PRKAG2: variants seen among roughly 807,000 people sequenced by gnomAD.
PRKAG2 encodes the protein protein kinase AMP-activated non-catalytic subunit gamma 2, also known as 5'-AMP-activated protein kinase subunit gamma-2.
A neutral mutation model predicts 69.6 loss-of-function variants in PRKAG2; 26 were observed. That is an observed-to-expected ratio of 0.37 (90% confidence interval 0.27 to 0.52). The LOEUF (loss-of-function observed/expected upper bound fraction) is 0.52. Ranked by LOEUF, PRKAG2 falls within the 20% of genes least tolerant of loss-of-function variation. The pLI is 0.90. For synonymous variants in PRKAG2, 293 were observed against 285.0 expected, an observed-to-expected ratio of 1.03 and a Z score of -0.28; for missense variants, 557 against 740.0, an observed-to-expected ratio of 0.75 and a Z score of 2.87.
At position 151,781,597 on chromosome 7, in the gene PRKAG2, T is replaced by G. The variant is rs1467336371; in HGVS notation, c.187-166A>C. ...CCACAGAGGTAGCCACTGAATGGTC[T>G]GCAGGTAGCACCTGCCCCAAGGATG... On this transcript the variant is annotated intron_variant, in intron 2 of 15. Transcript: ENST00000287878. This position sits in a 1 kb window ranked among gnomAD's most constrained non-coding sequence, Gnocchi z 6.1. Among the ~76,000 whole-genome samples, 1 of 152,192 alleles carries G rather than the reference T, an allele frequency of 6.6e-6. No homozygotes were observed. Among genetic ancestry groups the G allele is most frequent in the Non-Finnish European group, 1.5e-5 (1 of 68,028 alleles).
intron 5 of PRKAG2, among the ~76,000 whole-genome samples, chr7:151,607,825 A>C (rs1395707054): frequency 1.3e-5 from 2 of 152,052 alleles, no homozygotes; most frequent in African/African-American, 4.8e-5. Context: ...CTGTTCTCCT[A>C]TGGTCACCTG....
chr7:151,608,436 C>T (rs1225956533), intron 5 of PRKAG2, among the ~76,000 whole-genome samples: 1 of 152,194 alleles, frequency 6.6e-6, no homozygotes, highest in African/African-American at 2.4e-5. Flanking sequence ...TCACACACAC[C>T]TTGTACTGAA....
chr7:151,829,835 G>C (rs1338565688), intron 1 of PRKAG2, among the ~76,000 whole-genome samples: 2 of 151,876 alleles, frequency 1.3e-5, no homozygotes, highest in African/African-American at 4.8e-5. Context: ...GGACGGGGTT[G>C]ACGGGGGGAA....
intron 1 of PRKAG2, chr7:151,837,450 AC>A (rs1272365717): frequency 6.6e-6 from 1 of 152,056 alleles, no homozygotes; most frequent in Non-Finnish European, 1.5e-5. Flanking sequence ...AATCCGGGCG[AC>A]CCTCCCTCCA....
Position 151,638,651 on chromosome 7 carries a change from A to G in PRKAG2, c.685-6513T>C, listed in dbSNP as rs894675894. Among the ~76,000 whole-genome samples the G allele has an allele frequency of 6.6e-6, 1 of 152,044 alleles. No homozygotes were observed. Among genetic ancestry groups the G allele is most frequent in the Non-Finnish European group, 1.5e-5 (1 of 68,010 alleles). ...CTGTCTCAAAAAAAAAAGCTAAATT[A>G]TTAAGTTGTGTCTTACATAATTGTG... is the stretch of plus-strand genomic sequence containing the variant. On this transcript the variant is annotated intron_variant, in intron 4 of 15. Coordinates refer to ENST00000287878, the MANE Select transcript of PRKAG2 (RefSeq NM_016203.4). The surrounding 1 kb of genome is among the most constrained non-coding windows in gnomAD (Gnocchi z 4.3).
At chr7:151,837,552 C>T (rs1052660594) in intron 1 of PRKAG2, 2 of 152,130 alleles carry the variant, frequency 1.3e-5, no homozygotes, top group East Asian at 3.8e-4. Context: ...TAATATAAAC[C>T]TTAAATACCT....
chr7:151,681,874 G>A (rs1315116704), intron 3 of PRKAG2, among the ~76,000 whole-genome samples: 1 of 152,068 alleles, frequency 6.6e-6, no homozygotes, highest in Non-Finnish European at 1.5e-5. Flanking sequence ...GGGGCTTCAC[G>A]GGGCCAACAG....
chr7:151,803,330 C>T (rs2077939746), intron 1 of PRKAG2, among the ~76,000 whole-genome samples: 1 of 152,086 alleles, frequency 6.6e-6, no homozygotes, highest in South Asian at 2.1e-4. Context: ...GATTAAAACA[C>T]TTTGTATAGG....
intron 3 of PRKAG2, among the ~76,000 whole-genome samples, chr7:151,702,300 A>G (rs769278074): frequency 1.3e-4 from 20 of 152,194 alleles, no homozygotes; most frequent in Non-Finnish European, 2.9e-4. Flanking sequence ...GGTCCCCCAA[A>G]AGAGAGAGGA....
At chr7:151,639,507 G>A (rs1174344646) in intron 4 of PRKAG2, among the ~76,000 whole-genome samples, 1 of 152,196 alleles carries the variant, frequency 6.6e-6, no homozygotes, top group East Asian at 1.9e-4. Flanking sequence ...GGGAAGATCT[G>A]CCTCCAGTGT....
chr7:151,807,636 G>T lies in PRKAG2; in HGVS notation c.115-21095C>A, dbSNP rs1197718384. 4 of 457,532 alleles carry T rather than the reference G, an allele frequency of 8.7e-6. No individual in the cohort carries two copies. Among genetic ancestry groups the T allele is most frequent in the Non-Finnish European group, 1.3e-5 (3 of 226,872 alleles). 28.3% of individuals were successfully genotyped at this position (457,532 alleles called of 1,614,324 possible). ...ACCAAAAGCCCAGTTTCTCCAACAG[G>T]TAAGTCCCAGCAGGGTGCGATGTCC... On this transcript the variant is annotated intron_variant, in intron 1 of 15. Coordinates refer to ENST00000287878, the MANE Select transcript of PRKAG2 (RefSeq NM_016203.4). This position sits in a 1 kb window ranked among gnomAD's most constrained non-coding sequence, Gnocchi z 4.4.
intron 8 of PRKAG2, among the ~76,000 whole-genome samples, chr7:151,574,517 T>G (rs1329324365): frequency 1.3e-5 from 2 of 152,232 alleles, no homozygotes; most frequent in East Asian, 3.8e-4. Flanking sequence ...GTTCTGCAAT[T>G]GCTGGGGTAA....
intron 1 of PRKAG2, among the ~76,000 whole-genome samples, chr7:151,832,723 C>G (rs1252461373): frequency 6.6e-6 from 1 of 152,046 alleles, no homozygotes; most frequent in Non-Finnish European, 1.5e-5. Flanking sequence ...CAGGTGCTAC[C>G]TGGGACTGAG....
chr7:151,696,266 G>A lies in PRKAG2; in HGVS notation c.467-20629C>T, dbSNP rs557131810. On this transcript the variant is annotated intron_variant, in intron 3 of 15. Coordinates refer to ENST00000287878, the MANE Select transcript of PRKAG2 (RefSeq NM_016203.4). ...CAGCACTTTCAGAGGAAAACGTGGC[G>A]CGCCCGGGGCCTTCTCACAGCCATC... Among the ~76,000 whole-genome samples, 16 of 152,274 alleles carry A rather than the reference G, an allele frequency of 1.1e-4. No homozygotes were observed. The East Asian group carries it at 1.4e-3, about 13-fold the overall frequency.
Position 151,632,209 on chromosome 7 carries a change from C to G in PRKAG2, c.685-71G>C. On this transcript the variant is annotated intron_variant, in intron 4 of 15. Coordinates refer to ENST00000287878, the MANE Select transcript of PRKAG2 (RefSeq NM_016203.4). The surrounding 1 kb of genome is among the most constrained non-coding windows in gnomAD (Gnocchi z 4.2). ...CGTCCCCGGCCGGCGGGCTCGCGGC[C>G]GGCCGAGCGCTGGGGCCTGGCTCTG... is the stretch of plus-strand genomic sequence containing the variant. 1.7e-6 allele frequency: 2 copies of G among 1,149,086 alleles called. No homozygotes were observed. Among genetic ancestry groups the G allele is most frequent in the Non-Finnish European group, 1.1e-6 (1 of 934,030 alleles). The allele number at this position is 1,149,086 out of a possible 1,614,324, so 71.2% of individuals were successfully genotyped here.
intron 1 of PRKAG2, among the ~76,000 whole-genome samples, chr7:151,823,417 G>A (rs2078838129): frequency 6.6e-6 from 1 of 150,572 alleles, no homozygotes; most frequent in Non-Finnish European, 1.5e-5. Context: ...CTCAGAATGT[G>A]ACCTTATTTG....
At chr7:151,775,582 T>C (rs1322665756) in intron 3 of PRKAG2, among the ~76,000 whole-genome samples, 1 of 152,252 alleles carries the variant, frequency 6.6e-6, no homozygotes, top group Non-Finnish European at 1.5e-5. Context: ...GCTGGAAATG[T>C]ATCCCTTAAT....
intron 3 of PRKAG2, among the ~76,000 whole-genome samples, chr7:151,728,493 C>T (rs1056364004): frequency 3.9e-5 from 6 of 152,150 alleles, no homozygotes; most frequent in Admixed American, 6.5e-5. Flanking sequence ...AGCCAGGCTG[C>T]GGCCCCAACC....
chr7:151,686,289 C>T (rs73728269), intron 3 of PRKAG2, among the ~76,000 whole-genome samples: 223 of 152,304 alleles, frequency 1.5e-3, no homozygotes, highest in African/African-American at 5.2e-3. Context: ...TTCATTTAAT[C>T]CAATCTCCCT....
Sources: gnomAD v4.1 joint callset for allele counts (sites outside exome capture counted in the v4.1 genomes callset) on GRCh38, gnomAD v4.1.1 for gene constraint, Gnocchi (gnomAD v3.1) non-coding constraint, MANE v1.5 for transcripts, NCBI Gene and HGNC (gene_info 2026-07-23, HGNC 2026-07-21) for gene names.